Variants in PARP4 observed in about 807,000 individuals in gnomAD.
The protein encoded by PARP4 is poly(ADP-ribose) polymerase family member 4.
In PARP4, 120 loss-of-function variants were observed where a neutral mutation model predicts 187.7. The ratio of observed to expected loss-of-function variants is 0.64; its 90% CI spans 0.55 to 0.74. PARP4 has a LOEUF of 0.74. Ranked by LOEUF, PARP4 falls within the 30% of genes least tolerant of loss-of-function variation. PARP4 has a pLI of 0.00. For missense variants in PARP4, 1,836 were observed against 2,070.5 expected, an observed-to-expected ratio of 0.89 and a Z score of 2.20; for synonymous variants, 654 against 740.9, an observed-to-expected ratio of 0.88 and a Z score of 1.90.
intron 17 of PARP4, among the ~76,000 whole-genome samples, chr13:24,463,993 T>C (rs966640822): frequency 2.0e-5 from 3 of 152,102 alleles, no homozygotes; most frequent in Non-Finnish European, 4.4e-5. Context: ...AGCATTCCTA[T>C]ACACCAACAA....
Position 24,434,622 on chromosome 13 carries a change from T to G in PARP4, c.4519A>C (p.Ser1507Arg). ...DLCLLEESVG[S>R]LEGSRCPVFA... Reference sequence around the variant, plus strand: ...ACAGGACATCGACTTCCTTCGAGACTGCCTACTGATTCTTCTAGAAGACAG... The same window carrying G: ...ACAGGACATCGACTTCCTTCGAGACGGCCTACTGATTCTTCTAGAAGACAG... The change falls in exon 31 of 34, where the codon AGT (serine) becomes CGT (arginine). Residue 1507 changes from serine (S) to arginine (R), a missense_variant. Physicochemically the swap from Ser to Arg is moderately radical, Grantham distance 110 (BLOSUM62 -1). Around this residue, in one of 8 missense-constraint regions of PARP4, gnomAD observed 450 missense variants for 439.2 expected, o/e 1.02. Transcript: ENST00000381989. 1 of 1,612,242 alleles carries G rather than the reference T, an allele frequency of 6.2e-7. No homozygotes were observed. Among genetic ancestry groups the G allele is most frequent in the East Asian group, 2.2e-5 (1 of 44,804 alleles).
intron 21 of PARP4, among the ~76,000 whole-genome samples, chr13:24,455,893 G>T (rs1254850146): frequency 6.6e-6 from 1 of 151,864 alleles, no homozygotes; most frequent in Non-Finnish European, 1.5e-5. Flanking sequence ...AAAGTGCTGG[G>T]ATTACAGGTG....
chr13:24,464,058 G>C (rs530417447), intron 17 of PARP4, among the ~76,000 whole-genome samples: 1 of 152,216 alleles, frequency 6.6e-6, no homozygotes, highest in African/African-American at 2.4e-5. Context: ...TTGCTACAAA[G>C]AGAATAAAAT....
chr13:24,486,172 A>G lies in PARP4; in HGVS notation c.1348T>C (p.Cys450Arg). 6.2e-7 allele frequency: 1 copy of G among 1,609,886 alleles called. No individual in the cohort carries two copies. Among genetic ancestry groups the G allele is most frequent in the Non-Finnish European group, 8.5e-7 (1 of 1,178,662 alleles). The change falls in exon 11 of 34, where the codon TGT (cysteine) becomes CGT (arginine). Residue 450 changes from cysteine (C) to arginine (R), a missense_variant. By Grantham distance (180) the Cys-to-Arg change is radical. Coordinates refer to ENST00000381989, the MANE Select transcript of PARP4 (RefSeq NM_006437.4). The stretch of plus-strand genomic sequence containing the variant: ...AATAAAGATGGCTACTCTTACCGAC[A>G]CAAGATTCCCACGATGTTTTGTACA... ...SPVQNIVGIL[C>R]RGLLLPKVVE...
chr13:24,489,734 A>C (rs2137528613), intron 10 of PARP4, among the ~76,000 whole-genome samples: 1 of 152,368 alleles, frequency 6.6e-6, no homozygotes, highest in East Asian at 1.9e-4. Flanking sequence ...GATGGGTCTG[A>C]GTCAGGCCAT....
At chr13:24,496,627 C>T (rs1330666093) in intron 6 of PARP4, among the ~76,000 whole-genome samples, 2 of 152,090 alleles carry the variant, frequency 1.3e-5, no homozygotes, top group African/African-American at 4.8e-5. Flanking sequence ...TTCTCTTGTA[C>T]CTGAGCTGAC....
chr13:24,504,169 A>T (rs1566022755), intron 1 of PARP4, among the ~76,000 whole-genome samples: 1 of 152,182 alleles, frequency 6.6e-6, no homozygotes, highest in Non-Finnish European at 1.5e-5. Flanking sequence ...AATTCTATGC[A>T]TTCAAAAAGA....
chr13:24,445,854 G>A (rs952913578), intron 27 of PARP4, among the ~76,000 whole-genome samples: 1 of 152,158 alleles, frequency 6.6e-6, no homozygotes, highest in African/African-American at 2.4e-5. Context: ...GTTGGAATCA[G>A]TCTTGTGGGA....
At chr13:24,428,112 G>C (rs1593583464) in intron 32 of PARP4, among the ~76,000 whole-genome samples, 1 of 152,156 alleles carries the variant, frequency 6.6e-6, no homozygotes, top group East Asian at 1.9e-4. Context: ...CTACGTCGAA[G>C]AAGGAAGGCA....
At chr13:24,478,580 T>A (rs1199083054) in intron 12 of PARP4, among the ~76,000 whole-genome samples, 2 of 151,968 alleles carry the variant, frequency 1.3e-5, no homozygotes, top group Non-Finnish European at 2.9e-5. Context: ...GGACTATAGA[T>A]GTGCACCACA....
chr13:24,443,767 T>A (rs768265301), intron 27 of PARP4, 37 bp from the exon 28 acceptor site: 1 of 1,385,456 alleles, frequency 7.2e-7, no homozygotes, highest in South Asian at 1.2e-5. Context: ...AATATTCACA[T>A]GGCTTCTAAT....
chr13:24,467,773 C>G (rs9511294), intron 17 of PARP4, among the ~76,000 whole-genome samples: 1 of 151,892 alleles, frequency 6.6e-6, no homozygotes, highest in South Asian at 2.1e-4. Flanking sequence ...CTTGTGGACC[C>G]TATTCCTAGG....
intron 20 of PARP4, among the ~76,000 whole-genome samples, chr13:24,458,410 A>G (rs1247572468): frequency 3.4e-5 from 5 of 146,694 alleles, no homozygotes; most frequent in Non-Finnish European, 1.5e-5. Context: ...CACTCAGCCA[A>G]GTTTTTTTTT....
chr13:24,438,693 C>T (rs1029958265), intron 30 of PARP4, among the ~76,000 whole-genome samples: 2 of 152,206 alleles, frequency 1.3e-5, no homozygotes, highest in Admixed American at 1.3e-4. Flanking sequence ...GCACACAGCA[C>T]TGAGCGCTGT....
At chr13:24,463,343 C>T (rs1305260461) in intron 17 of PARP4, among the ~76,000 whole-genome samples, 1 of 152,196 alleles carries the variant, frequency 6.6e-6, no homozygotes, top group Non-Finnish European at 1.5e-5. Flanking sequence ...AAGAGGAATG[C>T]ACTCTTTGCT....
At position 24,492,585 on chromosome 13, in the gene PARP4, C is replaced by T; in HGVS notation, c.889G>A (p.Ala297Thr). The T allele has an allele frequency of 6.2e-7, 1 of 1,613,510 alleles. No individual in the cohort carries two copies. The highest frequency in any genetic ancestry group is 1.3e-5 in the African/African-American group (1 of 75,028). Reference protein sequence around the residue: ...NRISLNDVSKAEGILLLVKAA... With the variant: ...NRISLNDVSKTEGILLLVKAA... ...TTTACTAGAAGGAGAATCCCCTCTG[C>T]CTTGCTCACCTTTCAACAGATCATA... Residue 297 changes from alanine (A) to threonine (T), a missense_variant, in exon 9 of 34, where the codon GCA (alanine) becomes ACA (threonine). Around this residue, in one of 8 missense-constraint regions of PARP4, gnomAD observed 1,147 missense variants for 1,214.2 expected, o/e 0.94. Coordinates refer to ENST00000381989, the MANE Select transcript of PARP4 (RefSeq NM_006437.4).
chr13:24,501,081 A>G (rs188572678), intron 3 of PARP4, among the ~76,000 whole-genome samples: 9 of 152,326 alleles, frequency 5.9e-5, no homozygotes, highest in African/African-American at 1.7e-4. Flanking sequence ...CACCCTGCCA[A>G]GTCAGTACGG....
intron 10 of PARP4, among the ~76,000 whole-genome samples, chr13:24,490,190 T>A (rs55991110): frequency 0.079 from 12,012 of 152,192 alleles, 645 homozygotes; most frequent in Non-Finnish European, 0.12. Flanking sequence ...ATGTTTGTTG[T>A]TACTGGAGAA....
At chr13:24,452,263 C>G (rs1050217919) in intron 24 of PARP4, 143 bp downstream of exon 24, 1 of 650,572 alleles carries the variant, frequency 1.5e-6, no homozygotes, top group African/African-American at 1.8e-5. Flanking sequence ...GGCAGTCTGG[C>G]TGGGAGCCCG....
Sources: allele counts gnomAD v4.1 joint callset (sites outside exome capture counted in the v4.1 genomes callset), GRCh38; gene constraint gnomAD v4.1.1; regional missense constraint gnomAD v4.1.1; transcripts MANE v1.5; gene names NCBI Gene and HGNC (gene_info 2026-07-23, HGNC 2026-07-21).